Variants in SNTG1 observed in about 807,000 individuals in gnomAD.
SNTG1 encodes gamma-1-syntrophin.
In SNTG1, 39 loss-of-function variants were observed where a neutral mutation model predicts 74.7. The observed-to-expected ratio is 0.52, with a 90% CI of 0.40 to 0.68. The LOEUF is 0.68. Ranked by LOEUF, SNTG1 falls within the 30% of genes least tolerant of loss-of-function variation. The pLI is 0.00. For missense variants in SNTG1, 685 were observed against 609.5 expected, an observed-to-expected ratio of 1.12 and a Z score of -1.30; for synonymous variants, 254 against 217.1, an observed-to-expected ratio of 1.17 and a Z score of -1.49.
chr8:49,950,751 G>A (rs968955832), intron 1 of SNTG1, among the ~76,000 whole-genome samples: 3 of 152,104 alleles, frequency 2.0e-5, no homozygotes, highest in African/African-American at 7.2e-5. Flanking sequence ...CTAGGCAGCT[G>A]GCTTTGATTT....
At chr8:50,351,858 G>A (rs1312571365) in intron 2 of SNTG1, among the ~76,000 whole-genome samples, 3 of 152,102 alleles carry the variant, frequency 2.0e-5, no homozygotes, top group Non-Finnish European at 2.9e-5. Flanking sequence ...TTTGGTAACT[G>A]GGAAATAAAA....
intron 2 of SNTG1, among the ~76,000 whole-genome samples, chr8:50,393,921 G>T (rs1331088478): frequency 6.6e-6 from 1 of 152,214 alleles, no homozygotes; most frequent in Non-Finnish European, 1.5e-5. Flanking sequence ...TTGATCTGAT[G>T]ATACATGGAG....
intron 17 of SNTG1, among the ~76,000 whole-genome samples, chr8:50,750,182 T>G (rs921789441): frequency 1.8e-4 from 28 of 151,932 alleles, no homozygotes; most frequent in African/African-American, 6.8e-4. Flanking sequence ...AGGACTTCAG[T>G]GAAGGAAGTA....
chr8:50,508,467 C>G (rs964825049), intron 9 of SNTG1, among the ~76,000 whole-genome samples: 1 of 152,180 alleles, frequency 6.6e-6, no homozygotes, highest in African/African-American at 2.4e-5. Flanking sequence ...AATGGTATTT[C>G]TAGTTCTAGA....
intron 2 of SNTG1, among the ~76,000 whole-genome samples, chr8:50,290,388 C>A (rs1419881398): frequency 1.3e-5 from 2 of 152,110 alleles, no homozygotes; most frequent in East Asian, 3.9e-4. Context: ...ATTCTTTCTT[C>A]TTTTTAATCT....
At chr8:50,069,891 A>G (rs1363574759) in intron 1 of SNTG1, among the ~76,000 whole-genome samples, 1 of 151,980 alleles carries the variant, frequency 6.6e-6, no homozygotes, top group Non-Finnish European at 1.5e-5. Flanking sequence ...TGCTAAGGCC[A>G]TCGGACTCCC....
rs567493988 is a variant in SNTG1, at chr8:50,259,749, A to T, written c.-28+87114A>T. ...AAAGCTGAACAAACTGAAAATCAAAAACTCTTAGATCCTTCAGAAAACTGA... is the reference window on the plus strand; with the variant it reads ...AAAGCTGAACAAACTGAAAATCAAATACTCTTAGATCCTTCAGAAAACTGA... On this transcript the variant is annotated intron_variant, in intron 2 of 18. Transcript: ENST00000642720. 3.3e-5 allele frequency among the ~76,000 whole-genome samples: 5 copies of T among 152,262 alleles called. No individual in the cohort carries two copies. In the East Asian group the frequency reaches 9.7e-4, roughly 29 times the overall value.
intron 15 of SNTG1, among the ~76,000 whole-genome samples, chr8:50,692,521 A>G (rs2095385762): frequency 6.6e-6 from 1 of 152,120 alleles, no homozygotes; most frequent in Non-Finnish European, 1.5e-5. Flanking sequence ...TCCACTCCAG[A>G]CCCTGTTTGC....
intron 13 of SNTG1, among the ~76,000 whole-genome samples, chr8:50,607,761 T>C (rs760951638): frequency 7.3e-5 from 11 of 151,586 alleles, no homozygotes; most frequent in Non-Finnish European, 1.5e-4. Flanking sequence ...TCTTTTGGCT[T>C]TCTGTTTAAT....
At chr8:50,154,028 C>T (rs2082167149) in intron 1 of SNTG1, among the ~76,000 whole-genome samples, 1 of 152,186 alleles carries the variant, frequency 6.6e-6, no homozygotes, top group East Asian at 1.9e-4. Context: ...ATGCAGGCCT[C>T]CTTGAGCTGA....
intron 15 of SNTG1, among the ~76,000 whole-genome samples, chr8:50,701,618 C>T (rs558248801): frequency 4.2e-4 from 57 of 136,888 alleles, no homozygotes; most frequent in Non-Finnish European, 6.5e-4. Context: ...TCTTCTTCTT[C>T]GTGTTCCTCT....
At chr8:50,272,128 G>C (rs2087816807) in intron 2 of SNTG1, among the ~76,000 whole-genome samples, 1 of 152,146 alleles carries the variant, frequency 6.6e-6, no homozygotes, top group African/African-American at 2.4e-5. Context: ...ACAGTCTAAG[G>C]TGTTTTGCTA....
At chr8:49,991,635 A>T (rs1326542585) in intron 1 of SNTG1, among the ~76,000 whole-genome samples, 1 of 152,162 alleles carries the variant, frequency 6.6e-6, no homozygotes, top group Admixed American at 6.5e-5. Context: ...AGAAAGAAGA[A>T]AGTAATGATA....
At chr8:50,515,008 C>A (rs1356294542) in intron 9 of SNTG1, among the ~76,000 whole-genome samples, 1 of 152,090 alleles carries the variant, frequency 6.6e-6, no homozygotes, top group African/African-American at 2.4e-5. Flanking sequence ...TAGTTAAAGT[C>A]TATTTTTGTC....
At chr8:50,635,936 A>T (rs1445982584) in intron 13 of SNTG1, among the ~76,000 whole-genome samples, 1 of 152,104 alleles carries the variant, frequency 6.6e-6, no homozygotes, top group Non-Finnish European at 1.5e-5. Flanking sequence ...GCCAAGGCCC[A>T]CAGTGAGCTC....
At chr8:50,007,289 T>G (rs1815330651) in intron 1 of SNTG1, among the ~76,000 whole-genome samples, 1 of 152,132 alleles carries the variant, frequency 6.6e-6, no homozygotes, top group African/African-American at 2.4e-5. Context: ...GCTCCTCCAG[T>G]TCTGGCCCCT....
chr8:50,217,503 T>G (rs1470959095), intron 2 of SNTG1, among the ~76,000 whole-genome samples: 1 of 152,148 alleles, frequency 6.6e-6, no homozygotes, highest in Non-Finnish European at 1.5e-5. Flanking sequence ...GTTCTTACCT[T>G]AAGTCTGTAT....
intron 1 of SNTG1, among the ~76,000 whole-genome samples, chr8:50,101,248 G>T (rs77358054): frequency 1.3e-5 from 2 of 152,138 alleles, no homozygotes; most frequent in East Asian, 3.9e-4. Flanking sequence ...ACATACACAT[G>T]CGTCTGTTTT....
chr8:50,004,800 A>G (rs570135965), intron 1 of SNTG1, among the ~76,000 whole-genome samples: 40 of 152,334 alleles, frequency 2.6e-4, no homozygotes, highest in African/African-American at 9.4e-4. Flanking sequence ...AGCACCAGGT[A>G]GCCCTATGGC....
Sources: allele counts gnomAD v4.1 joint callset (sites outside exome capture counted in the v4.1 genomes callset), GRCh38; gene constraint gnomAD v4.1.1; transcripts MANE v1.5; gene names NCBI Gene and HGNC (gene_info 2026-07-23, HGNC 2026-07-21).